The following FLI1 variants were observed in gnomAD, a reference collection of about 807,000 sequenced individuals.
The protein encoded by FLI1 is Friend leukemia integration 1 transcription factor.
FLI1 carries 13 observed loss-of-function variants against 53.1 expected under a neutral mutation model. That is an observed-to-expected ratio of 0.24 (90% CI 0.16 to 0.39). The LOEUF is 0.39. Among genes scored for constraint, FLI1 ranks in the 10% least tolerant of loss-of-function variants. The pLI, the probability that FLI1 is intolerant of heterozygous loss-of-function variation, is 1.00. For missense variants in FLI1, 424 were observed against 600.5 expected (o/e 0.71, Z 3.07); for synonymous variants, 244 against 236.7 (o/e 1.03, Z -0.28).
intron 1 of FLI1, among the ~76,000 whole-genome samples, chr11:128,757,146 C>T (rs1235170293): frequency 6.8e-6 from 1 of 146,100 alleles, no homozygotes; most frequent in Non-Finnish European, 1.5e-5. Context: ...ACAGTTTTGC[C>T]ACATTGCCCA....
intron 2 of FLI1, among the ~76,000 whole-genome samples, chr11:128,759,161 T>C (rs1420726061): frequency 1.3e-5 from 2 of 152,192 alleles, no homozygotes; most frequent in East Asian, 3.8e-4. Context: ...AGCAAAGACT[T>C]GAAAGACAGA....
chr11:128,801,213 C>T (rs2135907031), intron 5 of FLI1, among the ~76,000 whole-genome samples: 1 of 152,336 alleles, frequency 6.6e-6, no homozygotes, highest in South Asian at 2.1e-4. Context: ...CTGCCTGAGC[C>T]CCACTCCATG....
chr11:128,722,063 C>G (rs1238383298), intron 1 of FLI1, among the ~76,000 whole-genome samples: 1 of 152,116 alleles, frequency 6.6e-6, no homozygotes, highest in Non-Finnish European at 1.5e-5. Context: ...AAAGACCCAC[C>G]CCGCAGAAAC....
upstream of FLI1, among the ~76,000 whole-genome samples, chr11:128,689,863 C>G (rs1410175967): frequency 1.3e-5 from 2 of 152,074 alleles, no homozygotes; most frequent in African/African-American, 4.8e-5. Context: ...CGCCCGCCCC[C>G]GGCCCTCCCG....
At chr11:128,686,811 G>A (rs577179339) in intron 1 of FLI1, 1 of 245,536 alleles carries the variant, frequency 4.1e-6, no homozygotes, top group East Asian at 1.1e-4. Context: ...GGTGGAAGTG[G>A]GCCCTACTCT....
intron 2 of FLI1, among the ~76,000 whole-genome samples, chr11:128,761,868 T>C (rs1941134753): frequency 1.3e-5 from 2 of 152,164 alleles, no homozygotes; most frequent in South Asian, 4.1e-4. Context: ...CCTCTGCTTT[T>C]GAGTTGCTTG....
intron 5 of FLI1, among the ~76,000 whole-genome samples, chr11:128,786,182 CT>C (rs1942074152): frequency 6.6e-6 from 1 of 152,126 alleles, no homozygotes; most frequent in Non-Finnish European, 1.5e-5. Flanking sequence ...GAGAAGCCTG[CT>C]TTATAGAACA....
At chr11:128,718,902 G>GA (rs781310954) in intron 1 of FLI1, among the ~76,000 whole-genome samples, 58 of 152,142 alleles carry the variant, frequency 3.8e-4, no homozygotes, top group Non-Finnish European at 1.5e-4. Context: ...AAATTGGGCT[G>GA]AAAAAATCTC....
intron 3 of FLI1, among the ~76,000 whole-genome samples, chr11:128,770,307 T>TCA (rs1941504923): frequency 6.6e-6 from 1 of 152,268 alleles, no homozygotes; most frequent in African/African-American, 2.4e-5. Flanking sequence ...ACTTCATTAT[T>TCA]TTAGCTCCGG....
intron 1 of FLI1, among the ~76,000 whole-genome samples, chr11:128,712,707 A>AC (rs1203420032): frequency 2.0e-5 from 3 of 151,904 alleles, no homozygotes; most frequent in Non-Finnish European, 2.9e-5. Context: ...GGAAAGACCC[A>AC]CCCCCAGAAT....
chr11:128,713,373 G>T (rs1490022407), intron 1 of FLI1, among the ~76,000 whole-genome samples: 2 of 152,088 alleles, frequency 1.3e-5, no homozygotes, highest in East Asian at 3.8e-4. Flanking sequence ...ATTGTTTTTT[G>T]TTGTTGTTTT....
At chr11:128,718,887 G>A (rs1333356078) in intron 1 of FLI1, among the ~76,000 whole-genome samples, 1 of 152,148 alleles carries the variant, frequency 6.6e-6, no homozygotes, top group Admixed American at 6.5e-5. Flanking sequence ...TGCAGATGTG[G>A]ATCCAAATTG....
chr11:128,781,005 G>A, intron 4 of FLI1, among the ~76,000 whole-genome samples: 1 of 152,144 alleles, frequency 6.6e-6, no homozygotes, highest in Non-Finnish European at 1.5e-5. Flanking sequence ...AAAGGAAAAA[G>A]TCTAGTTTTA....
At chr11:128,808,598 C>T (rs1942852433) in intron 7 of FLI1, among the ~76,000 whole-genome samples, 1 of 152,068 alleles carries the variant, frequency 6.6e-6, no homozygotes, top group Admixed American at 6.5e-5. Flanking sequence ...ATCCAGTAGC[C>T]CAACCCACTC....
chr11:128,789,950 AG>A (rs1283909991), intron 5 of FLI1, among the ~76,000 whole-genome samples: 1 of 152,178 alleles, frequency 6.6e-6, no homozygotes, highest in Non-Finnish European at 1.5e-5. Flanking sequence ...GCGGCCTCAC[AG>A]GAGAGCCTGT....
intron 1 of FLI1, among the ~76,000 whole-genome samples, chr11:128,716,032 G>A (rs890013796): frequency 6.6e-6 from 1 of 152,202 alleles, no homozygotes; most frequent in African/African-American, 2.4e-5. Flanking sequence ...ATCTGGGGAA[G>A]CATTTGCATG....
intron 7 of FLI1, 56 bp downstream of exon 7, chr11:128,807,295 A>C: frequency 2.3e-5 from 28 of 1,224,646 alleles, no homozygotes; most frequent in Non-Finnish European, 3.2e-5. Flanking sequence ...TGTTGATTTC[A>C]CATGGTCAAC....
chr11:128,735,294 G>A (rs551336935), intron 1 of FLI1, among the ~76,000 whole-genome samples: 5 of 152,312 alleles, frequency 3.3e-5, no homozygotes, highest in Non-Finnish European at 7.4e-5. Context: ...AAAAGAGACA[G>A]AGGCAGAGAT....
chr11:128,686,055 A>C, upstream of FLI1: 1 of 307,936 alleles, frequency 3.2e-6, no homozygotes. Context: ...GACCTCCCTA[A>C]CCTTGCGTTA....
Sources: allele counts gnomAD v4.1 joint callset (sites outside exome capture counted in the v4.1 genomes callset), GRCh38; gene constraint gnomAD v4.1.1; transcripts MANE v1.5; gene names NCBI Gene and HGNC (gene_info 2026-07-23, HGNC 2026-07-21).